Variants in ZMYM2 observed in about 807,000 individuals in gnomAD.
ZMYM2 encodes zinc finger MYM-type protein 2.
In ZMYM2, 56 loss-of-function variants were observed where a neutral mutation model predicts 162.8. The ratio of observed to expected loss-of-function variants is 0.34; its 90% CI spans 0.28 to 0.43. ZMYM2 has a LOEUF of 0.43. ZMYM2 is among the 20% of genes least tolerant of loss of function. The pLI, the probability that ZMYM2 is intolerant of heterozygous loss-of-function variation, is 1.00. For missense variants in ZMYM2, 1,275 were observed against 1,621.8 expected, an observed-to-expected ratio of 0.79 and a Z score of 3.67; for synonymous variants, 510 against 541.6, an observed-to-expected ratio of 0.94 and a Z score of 0.81.
chr13:20,064,136 A>G (rs1285712829), intron 18 of ZMYM2, among the ~76,000 whole-genome samples: 1 of 151,800 alleles, frequency 6.6e-6, no homozygotes, highest in Non-Finnish European at 1.5e-5. Context: ...CATTTAATAG[A>G]TTGAATCAGA....
At chr13:19,964,335 C>T (rs559553333) in intron 2 of ZMYM2, among the ~76,000 whole-genome samples, 28 of 152,060 alleles carry the variant, frequency 1.8e-4, no homozygotes, top group African/African-American at 6.8e-4. Context: ...AAGATTGCAC[C>T]ACTGCACTCC....
chr13:20,050,988 C>T (rs1593121175), intron 12 of ZMYM2, among the ~76,000 whole-genome samples: 1 of 152,050 alleles, frequency 6.6e-6, no homozygotes, highest in South Asian at 2.1e-4. Flanking sequence ...AGTTAACATC[C>T]ATAAATTTCC....
Position 20,061,135 on chromosome 13 carries a change from T to G in ZMYM2, c.2822T>G (p.Val941Gly). ...GCAATTGAGGAGCTAAAAAGCAAGG[T>G]TTCTTCAGATGCTCTTGATACAGAG... ...PAAIEELKSKVSSDALDTELL... is the reference protein window; with the variant it reads ...PAAIEELKSKGSSDALDTELL... Residue 941 changes from valine to glycine, a missense_variant, in exon 17 of 25, where the codon GTT becomes GGT. Val to Gly is a moderately radical substitution (Grantham distance 109, BLOSUM62 -3). Around this residue, in one of 10 missense-constraint regions of ZMYM2, gnomAD observed 229 missense variants for 283.8 expected, o/e 0.81. Coordinates refer to ENST00000610343, the MANE Select transcript of ZMYM2 (RefSeq NM_197968.4). 3.1e-6 allele frequency: 5 copies of G among 1,613,400 alleles called. No individual in the cohort carries two copies. Among genetic ancestry groups the G allele is most frequent in the Non-Finnish European group, 4.2e-6 (5 of 1,179,664 alleles).
intron 17 of ZMYM2, 134 bp downstream of exon 17, chr13:20,061,358 GTT>G: frequency 1.3e-6 from 1 of 782,636 alleles, no homozygotes; most frequent in Non-Finnish European, 1.7e-6. Flanking sequence ...TAACAAAAAT[GTT>G]TTTTATATTA....
At chr13:19,895,439 G>A in the ZMYM2 span, among the ~76,000 whole-genome samples, 1 of 151,878 alleles carries the variant, frequency 6.6e-6, no homozygotes. Flanking sequence ...AATTATGGAG[G>A]TTGAGAAGTC....
At chr13:20,007,965 C>T (rs1171009587) in intron 6 of ZMYM2, among the ~76,000 whole-genome samples, 1 of 152,018 alleles carries the variant, frequency 6.6e-6, no homozygotes, top group Non-Finnish European at 1.5e-5. Context: ...CTTTCTCACG[C>T]AAAGTTTTGT....
At chr13:20,082,744 TATTATA>T (rs1232740486) in intron 22 of ZMYM2, 31 bp from the exon 23 acceptor site, 2 of 1,449,120 alleles carry the variant, frequency 1.4e-6, no homozygotes, top group Non-Finnish European at 1.8e-6. Context: ...AACTTTTATT[TATTATA>T]ATTCTTTTAA....
At chr13:20,073,688 A>G (rs147569185) in intron 21 of ZMYM2, among the ~76,000 whole-genome samples, 1 of 152,328 alleles carries the variant, frequency 6.6e-6, no homozygotes, top group Non-Finnish European at 1.5e-5. Context: ...CTTAAGGAAA[A>G]TGCTATCACA....
At position 20,087,410 on chromosome 13, in the gene ZMYM2, C is replaced by T. The variant is rs1958337807; in HGVS notation, c.*1396C>T. On this transcript the variant is annotated 3_prime_UTR_variant, in exon 25 of 25. Coordinates refer to ENST00000610343, the MANE Select transcript of ZMYM2 (RefSeq NM_197968.4). ...CAAATTATCTTGAAATCATTTGGCT[C>T]TTTTCTAGCATGTGTGTAATCATGT... 1 of 190,392 alleles carries T rather than the reference C, an allele frequency of 5.3e-6. No homozygotes were observed. Among genetic ancestry groups the T allele is most frequent in the Admixed American group, 6.2e-5 (1 of 16,236 alleles). The allele number at this position is 190,392 out of a possible 1,614,324, so 11.8% of individuals were successfully genotyped here.
the ZMYM2 span, among the ~76,000 whole-genome samples, chr13:19,951,789 A>T: frequency 6.6e-6 from 1 of 152,158 alleles, no homozygotes; most frequent in Non-Finnish European, 1.5e-5. Flanking sequence ...TGTTGCTAGG[A>T]ATGTAAATTA....
At chr13:20,043,472 C>A (rs1319435985) in intron 12 of ZMYM2, among the ~76,000 whole-genome samples, 1 of 152,058 alleles carries the variant, frequency 6.6e-6, no homozygotes, top group Non-Finnish European at 1.5e-5. Flanking sequence ...AGTGGGGAAC[C>A]CCTGTTGGCT....
At chr13:20,000,802 C>T (rs1477381365) in intron 3 of ZMYM2, among the ~76,000 whole-genome samples, 1 of 152,206 alleles carries the variant, frequency 6.6e-6, no homozygotes, top group Non-Finnish European at 1.5e-5. Flanking sequence ...GTAATTTTGA[C>T]TTTTAAGTCT....
At chr13:19,910,515 C>G in the ZMYM2 span, among the ~76,000 whole-genome samples, 30 of 151,674 alleles carry the variant, frequency 2.0e-4, no homozygotes, top group African/African-American at 7.0e-4. Context: ...TGTGGACACA[C>G]CTTTCTTTCT....
At chr13:20,022,127 TTG>T (rs111364989) in intron 7 of ZMYM2, among the ~76,000 whole-genome samples, 1 of 152,184 alleles carries the variant, frequency 6.6e-6, no homozygotes, top group Non-Finnish European at 1.5e-5. Flanking sequence ...CATTGTTTTT[TTG>T]TGTGTGTGTC....
intron 2 of ZMYM2, among the ~76,000 whole-genome samples, chr13:19,983,558 A>G (rs1957549349): frequency 6.6e-6 from 1 of 152,144 alleles, no homozygotes; most frequent in Non-Finnish European, 1.5e-5. Flanking sequence ...TCTTGACTTT[A>G]ATGATAATGC....
At chr13:19,878,133 A>G in the ZMYM2 span, among the ~76,000 whole-genome samples, 1 of 151,580 alleles carries the variant, frequency 6.6e-6, no homozygotes, top group East Asian at 1.9e-4. Context: ...GCTCACTGCA[A>G]CCTCAGCCTC....
intron 6 of ZMYM2, among the ~76,000 whole-genome samples, chr13:20,015,203 T>G (rs1951524747): frequency 6.6e-6 from 1 of 152,224 alleles, no homozygotes; most frequent in Non-Finnish European, 1.5e-5. Flanking sequence ...TTTCCTGTGA[T>G]TTCTTCTTTG....
chr13:19,960,375 G>A (rs556354032), intron 2 of ZMYM2, among the ~76,000 whole-genome samples: 3 of 152,282 alleles, frequency 2.0e-5, no homozygotes, highest in South Asian at 4.1e-4. Flanking sequence ...ATTTCTTGTT[G>A]AATGCTGTGC....
intron 7 of ZMYM2, chr13:20,026,252 T>G (rs1952570555): frequency 6.3e-6 from 1 of 159,426 alleles, no homozygotes; most frequent in African/African-American, 2.4e-5. Context: ...TAGCTCCATT[T>G]AATTGATTTT....
Sources: gnomAD v4.1 joint callset for allele counts (sites outside exome capture counted in the v4.1 genomes callset) on GRCh38, gnomAD v4.1.1 for gene constraint, gnomAD v4.1.1 regional missense constraint, MANE v1.5 for transcripts, NCBI Gene and HGNC (gene_info 2026-07-23, HGNC 2026-07-21) for gene names.